The following MAP2 variants were observed in gnomAD, a reference collection of about 807,000 sequenced individuals.
The protein encoded by MAP2 is microtubule associated protein 2, also known as microtubule-associated protein 2.
Under a neutral mutation model 137.6 loss-of-function variants are expected in MAP2, and 14 were observed. That is an observed-to-expected ratio of 0.10 (90% confidence interval 0.07 to 0.16). MAP2 has a LOEUF of 0.16. Among genes scored for constraint, MAP2 ranks in the 10% least tolerant of loss-of-function variants. The pLI, the probability that MAP2 is intolerant of heterozygous loss-of-function variation, is 1.00. For synonymous variants in MAP2, 786 were observed against 782.3 expected (o/e 1.00, Z -0.08); for missense variants, 2,088 against 2,191.5 (o/e 0.95, Z 0.94).
intron 3 of MAP2, among the ~76,000 whole-genome samples, chr2:209,622,444 G>C (rs918519948): frequency 6.6e-6 from 1 of 152,090 alleles, no homozygotes; most frequent in Admixed American, 6.6e-5. Context: ...AACTCTCTTG[G>C]CCTGTTTTCT....
chr2:209,716,251 G>T (rs1282873453), intron 13 of MAP2, among the ~76,000 whole-genome samples: 1 of 152,138 alleles, frequency 6.6e-6, no homozygotes, highest in East Asian at 1.9e-4. Flanking sequence ...GGTGCATTTT[G>T]TCCATAATGT....
intron 1 of MAP2, among the ~76,000 whole-genome samples, chr2:209,473,087 T>G (rs1003733259): frequency 1.3e-5 from 2 of 152,140 alleles, no homozygotes; most frequent in Non-Finnish European, 2.9e-5. Flanking sequence ...CTTCTTAAAG[T>G]ATGTCACAAA....
intron 2 of MAP2, among the ~76,000 whole-genome samples, chr2:209,555,532 C>A (rs948290604): frequency 3.3e-5 from 5 of 152,116 alleles, no homozygotes; most frequent in African/African-American, 1.2e-4. Context: ...TGAGAACATA[C>A]AGAACCACAG....
chr2:209,573,924 T>G (rs2074868158), intron 2 of MAP2, among the ~76,000 whole-genome samples: 1 of 152,182 alleles, frequency 6.6e-6, no homozygotes, highest in South Asian at 2.1e-4. Flanking sequence ...GTATAATGGC[T>G]TTTAGGTTCA....
chr2:209,534,953 C>G (rs974826340), intron 2 of MAP2, among the ~76,000 whole-genome samples: 6 of 146,788 alleles, frequency 4.1e-5, no homozygotes, highest in Admixed American at 1.4e-4. Flanking sequence ...ATTATAAAAT[C>G]CAGTGGTTTT....
intron 3 of MAP2, among the ~76,000 whole-genome samples, chr2:209,589,643 A>G (rs2078718779): frequency 6.6e-6 from 1 of 152,222 alleles, no homozygotes; most frequent in African/African-American, 2.4e-5. Context: ...ATTTTTCAAC[A>G]TGAGAAGCAG....
At chr2:209,721,952 C>T (rs1164894354) in intron 13 of MAP2, 1 of 152,144 alleles carries the variant, frequency 6.6e-6, no homozygotes, top group Non-Finnish European at 1.5e-5. Flanking sequence ...GAGTACTAAT[C>T]AAGCCCGATC....
chr2:209,599,748 T>C (rs2082428125), intron 3 of MAP2, among the ~76,000 whole-genome samples: 1 of 152,198 alleles, frequency 6.6e-6, no homozygotes, highest in Admixed American at 6.5e-5. Context: ...TTAACAAATA[T>C]TGAGTTATAA....
chr2:209,697,474 TTGA>T (rs1470254680), intron 10 of MAP2, among the ~76,000 whole-genome samples: 1 of 152,174 alleles, frequency 6.6e-6, no homozygotes, highest in African/African-American at 2.4e-5. Flanking sequence ...GTTACTGATG[TTGA>T]TGAATTTATT....
chr2:209,606,330 A>G (rs1204290566), intron 3 of MAP2, among the ~76,000 whole-genome samples: 1 of 152,214 alleles, frequency 6.6e-6, no homozygotes, highest in Non-Finnish European at 1.5e-5. Flanking sequence ...TAGGCACTGT[A>G]AAGGGAAGAT....
At chr2:209,651,361 C>T (rs1196701554) in intron 4 of MAP2, among the ~76,000 whole-genome samples, 3 of 152,152 alleles carry the variant, frequency 2.0e-5, no homozygotes, top group Admixed American at 1.3e-4. Flanking sequence ...TTGCAAGTAA[C>T]TCTCATTATT....
chr2:209,603,623 C>G (rs1187885959), intron 3 of MAP2, among the ~76,000 whole-genome samples: 2 of 152,178 alleles, frequency 1.3e-5, no homozygotes, highest in Admixed American at 1.3e-4. Flanking sequence ...TACTCCCAGT[C>G]TTTAATCCCT....
intron 1 of MAP2, among the ~76,000 whole-genome samples, chr2:209,469,167 G>C (rs950320923): frequency 1.1e-4 from 17 of 152,074 alleles, no homozygotes; most frequent in African/African-American, 3.4e-4. Flanking sequence ...CCTCCATTAG[G>C]AAACTCATTA....
At chr2:209,644,670 C>CAAA (rs68166330) in intron 4 of MAP2, among the ~76,000 whole-genome samples, 1,091 of 68,502 alleles carry the variant, frequency 0.016, 15 homozygotes, top group African/African-American at 0.043. Context: ...GACCCTGTCT[C>CAAA]AAAAAAAAAA....
intron 11 of MAP2, chr2:209,704,148 T>G (rs2062632863): frequency 2.3e-6 from 1 of 426,886 alleles, no homozygotes; most frequent in African/African-American, 2.0e-5. Flanking sequence ...CAGTGTCTAT[T>G]GTTGCCATCT....
chr2:209,723,701 C>A, intron 13 of MAP2: 1 of 1,602,954 alleles, frequency 6.2e-7, no homozygotes, highest in Non-Finnish European at 8.5e-7. Flanking sequence ...AGTAGAAGCG[C>A]CTTTTAGAAA....
chr2:209,479,242 A>G (rs1708147202), intron 1 of MAP2, among the ~76,000 whole-genome samples: 1 of 152,036 alleles, frequency 6.6e-6, no homozygotes, highest in Non-Finnish European at 1.5e-5. Flanking sequence ...TCTCCTTTTC[A>G]TAAGGTTCTG....
intron 2 of MAP2, among the ~76,000 whole-genome samples, chr2:209,507,957 C>G (rs1458264888): frequency 6.6e-6 from 1 of 152,074 alleles, no homozygotes; most frequent in East Asian, 1.9e-4. Flanking sequence ...AGAGTGACTT[C>G]TTGGAAGGCT....
At chr2:209,618,974 C>T (rs922794002) in intron 3 of MAP2, among the ~76,000 whole-genome samples, 11 of 152,134 alleles carry the variant, frequency 7.2e-5, no homozygotes, top group Non-Finnish European at 1.5e-4. Flanking sequence ...TTTGCAACTA[C>T]TTGGATAAAC....
Sources: allele counts gnomAD v4.1 joint callset (sites outside exome capture counted in the v4.1 genomes callset), GRCh38; gene constraint gnomAD v4.1.1; transcripts MANE v1.5; gene names NCBI Gene and HGNC (gene_info 2026-07-23, HGNC 2026-07-21).